The following CABIN1 variants were observed in gnomAD, a reference collection of about 807,000 sequenced individuals.
CABIN1 encodes the protein calcineurin-binding protein cabin-1.
Under a neutral mutation model 227.7 loss-of-function variants are expected in CABIN1, and 133 were observed. The ratio of observed to expected loss-of-function variants is 0.58; its 90% CI spans 0.51 to 0.67. The LOEUF (loss-of-function observed/expected upper bound fraction) is 0.67. CABIN1 is among the 30% of genes least tolerant of loss of function. The pLI is 0.00. For synonymous variants in CABIN1, 1,086 were observed against 1,155.1 expected, an observed-to-expected ratio of 0.94 and a Z score of 1.21; for missense variants, 2,408 against 2,852.5, an observed-to-expected ratio of 0.84 and a Z score of 3.55.
chr22:24,036,521 C>A (rs2146969195), intron 3 of CABIN1, among the ~76,000 whole-genome samples: 1 of 152,188 alleles, frequency 6.6e-6, no homozygotes, highest in African/African-American at 2.4e-5. Flanking sequence ...AGTGTATTGC[C>A]CTCACTTTAC....
chr22:24,140,031 C>A (rs988456204), intron 29 of CABIN1, among the ~76,000 whole-genome samples: 1 of 152,210 alleles, frequency 6.6e-6, no homozygotes, highest in Non-Finnish European at 1.5e-5. Context: ...GGGAGCTGGG[C>A]TCTCCCATGC....
At chr22:24,054,734 GATCACCT>G in intron 8 of CABIN1, 132 bp from the exon 9 acceptor site, 4 of 1,053,204 alleles carry the variant, frequency 3.8e-6, no homozygotes, top group Non-Finnish European at 5.9e-6. Context: ...ATGAAACCTT[GATCACCT>G]CCCCCACCCC....
Position 24,053,524 on chromosome 22 carries a change from T to C in CABIN1, c.807-1349T>C, listed in dbSNP as rs1050713335. The stretch of plus-strand genomic sequence containing the variant: ...TCCCAAGTAATTAGAATTACAGACA[T>C]GCGCCACCACCCCTGGCTAATTTTT... On this transcript the variant is annotated intron_variant, in intron 8 of 36. Transcript: ENST00000263119. Among the ~76,000 whole-genome samples, 5 of 151,908 alleles carry C rather than the reference T, an allele frequency of 3.3e-5. No homozygotes were observed. In the South Asian group the frequency reaches 6.2e-4, roughly 19 times the overall value.
At chr22:24,049,793 C>G (rs1316808472) in intron 7 of CABIN1, among the ~76,000 whole-genome samples, 1 of 152,180 alleles carries the variant, frequency 6.6e-6, no homozygotes, top group East Asian at 1.9e-4. Flanking sequence ...CCTGTCTTCT[C>G]AACCTGGCTC....
Position 24,062,027 on chromosome 22 carries a change from T to C in CABIN1, c.1696+2T>C, listed in dbSNP as rs1248593105. 3.1e-6 allele frequency: 5 copies of C among 1,612,278 alleles called. No individual in the cohort carries two copies. The South Asian group carries it at 5.5e-5, about 18-fold the overall frequency. On this transcript the variant is annotated splice_donor_variant, in intron 13 of 36. Transcript: ENST00000263119. LOFTEE classifies it high-confidence loss of function. The stretch of plus-strand genomic sequence containing the variant: ...TGACCAAAGGCAGAAGCTCTGCAGG[T>C]AGGAGGCATTATGTGTTCTGTGGCC...
chr22:24,172,804 T>C (rs1368468884), intron 34 of CABIN1, among the ~76,000 whole-genome samples: 2 of 152,170 alleles, frequency 1.3e-5, no homozygotes, highest in Admixed American at 6.5e-5. Flanking sequence ...CACCAGCAGC[T>C]CTGGCAGCTG....
chr22:24,166,870 C>A lies in CABIN1; in HGVS notation c.5239C>A (p.Arg1747=). The stretch of plus-strand genomic sequence containing the variant: ...AGACAGTGCAGACCAAAGCGGGGAG[C>A]GGAAGGATAAAGAGAGCCCACGGGC... ...AGDSADQSGE[R]KDKESPRAGP... The change falls in exon 32 of 37, where the codon CGG becomes AGG. Residue 1747 remains arginine, a synonymous_variant. Transcript: ENST00000263119. 6.2e-7 allele frequency: 1 copy of A among 1,611,822 alleles called. No homozygotes were observed. The highest frequency in any genetic ancestry group is 8.5e-7 in the Non-Finnish European group (1 of 1,179,394).
At chr22:24,065,209 C>A (rs1380387954) in intron 15 of CABIN1, among the ~76,000 whole-genome samples, 5 of 150,406 alleles carry the variant, frequency 3.3e-5, no homozygotes, top group Admixed American at 2.0e-4. Context: ...ACTTCCCAGA[C>A]GGGGCGGCTG....
chr22:24,128,937 T>C (rs2043897330), intron 28 of CABIN1, among the ~76,000 whole-genome samples: 2 of 152,210 alleles, frequency 1.3e-5, no homozygotes, highest in South Asian at 4.1e-4. Context: ...TGTGGATTCG[T>C]GAGGCAGGAG....
chr22:24,124,095 C>A (rs1303499936), intron 28 of CABIN1, among the ~76,000 whole-genome samples: 3 of 152,264 alleles, frequency 2.0e-5, no homozygotes, highest in African/African-American at 7.2e-5. Context: ...AGAATGTGGG[C>A]TCTGAAGCTG....
At chr22:24,027,292 A>G (rs530059734) in intron 1 of CABIN1, among the ~76,000 whole-genome samples, 4 of 152,322 alleles carry the variant, frequency 2.6e-5, no homozygotes, top group South Asian at 4.1e-4. Flanking sequence ...GAGATTTTCT[A>G]TGAAAGGCAA....
chr22:24,073,818 G>A (rs562511736), intron 18 of CABIN1, among the ~76,000 whole-genome samples: 25 of 152,222 alleles, frequency 1.6e-4, no homozygotes, highest in Admixed American at 6.5e-4. Flanking sequence ...GGGAAGAGGG[G>A]CCAGATTGCA....
chr22:24,067,034 G>C lies in CABIN1; in HGVS notation c.2085G>C (p.Glu695Asp). 8 of 1,614,252 alleles carry C rather than the reference G, an allele frequency of 5.0e-6. No homozygotes were observed. The highest frequency in any genetic ancestry group is 6.8e-6 in the Non-Finnish European group (8 of 1,180,050). ...TGGAGCGGTGCCAGTCCCTGGAGGA[G>C]ATTCAGCGGCTGTATGAAGCAGGCG... ...KSLERCQSLE[E>D]IQRLYEAGDY... is the part of the protein sequence containing the mutation. Residue 695 changes from glutamate to aspartate, a missense_variant, in exon 16 of 37, where the codon GAG (glutamate) becomes GAC (aspartate). Around this residue, in one of 3 missense-constraint regions of CABIN1, gnomAD observed 1,045 missense variants for 1,168.4 expected, o/e 0.89. Coordinates refer to ENST00000263119, the MANE Select transcript of CABIN1 (RefSeq NM_012295.4).
intron 11 of CABIN1, 61 bp from the exon 12 acceptor site, chr22:24,059,863 G>T: frequency 7.0e-7 from 1 of 1,425,546 alleles, no homozygotes; most frequent in African/African-American, 1.4e-5. Flanking sequence ...AAAGTAAATA[G>T]GAGACCCTGG....
intron 1 of CABIN1, among the ~76,000 whole-genome samples, chr22:24,022,902 G>A (rs1569078961): frequency 6.6e-6 from 1 of 151,930 alleles, no homozygotes; most frequent in Admixed American, 6.6e-5. Flanking sequence ...TTTTTTAATT[G>A]GTCTTTTTTT....
At chr22:24,175,783 C>T in intron 34 of CABIN1, 2 of 460,592 alleles carry the variant, frequency 4.3e-6, no homozygotes, top group Non-Finnish European at 8.0e-6. Flanking sequence ...GCCCCCCCAT[C>T]CCCTCTCACT....
intron 29 of CABIN1, among the ~76,000 whole-genome samples, chr22:24,136,040 G>A (rs2044374420): frequency 6.6e-6 from 1 of 152,116 alleles, no homozygotes; most frequent in Non-Finnish European, 1.5e-5. Context: ...GATACCAAGG[G>A]ATTTGCTGCA....
At chr22:24,107,726 A>G (rs2042592477) in intron 26 of CABIN1, among the ~76,000 whole-genome samples, 1 of 152,202 alleles carries the variant, frequency 6.6e-6, no homozygotes, top group South Asian at 2.1e-4. Flanking sequence ...CTTAGTTTTC[A>G]TAATGATCAC....
At position 24,038,459 on chromosome 22, in the gene CABIN1, G is replaced by C. The variant is rs753100164; in HGVS notation, c.208G>C (p.Glu70Gln). 29 of 1,610,408 alleles carry C rather than the reference G, an allele frequency of 1.8e-5. No individual in the cohort carries two copies. Among genetic ancestry groups the C allele is most frequent in the Non-Finnish European group, 2.4e-5 (28 of 1,177,428 alleles). ...GCTCTTGGAGGCGAGCCTGCTGCGG[G>C]AGGTGAGGCATCAGCAGGCCAGGCA... ...HELLEASLLR[E>Q]AVSSGDEKEG... Residue 70 changes from glutamate (E) to glutamine (Q), a missense_variant and splice_region_variant, in exon 4 of 37, where the codon GAG becomes CAG. This residue lies in a region of CABIN1 where 1,045 missense variants were observed against 1,168.4 expected (regional missense o/e 0.89). Coordinates refer to ENST00000263119, the MANE Select transcript of CABIN1 (RefSeq NM_012295.4).
Sources: gnomAD v4.1 joint callset for allele counts (sites outside exome capture counted in the v4.1 genomes callset) on GRCh38, gnomAD v4.1.1 for gene constraint, gnomAD v4.1.1 regional missense constraint, MANE v1.5 for transcripts, NCBI Gene and HGNC (gene_info 2026-07-23, HGNC 2026-07-21) for gene names.